RGS6: variants seen among roughly 807,000 people sequenced by gnomAD.
RGS6 encodes the protein regulator of G-protein signaling 6.
A neutral mutation model predicts 78.5 loss-of-function variants in RGS6; 30 were observed. The ratio of observed to expected loss-of-function variants is 0.38; its 90% CI spans 0.29 to 0.52. RGS6 has a LOEUF of 0.52. Ranked by LOEUF, RGS6 falls within the 20% of genes least tolerant of loss-of-function variation. The probability of loss-of-function intolerance (pLI) is 0.85; values close to 1 mark genes in which losing one functional copy is unlikely to be tolerated. For missense variants in RGS6, 495 were observed against 609.7 expected, an observed-to-expected ratio of 0.81 and a Z score of 1.98; for synonymous variants, 206 against 206.0, an observed-to-expected ratio of 1.00 and a Z score of 0.00.
chr14:72,326,589 CTG>C (rs2073824891), intron 2 of RGS6, among the ~76,000 whole-genome samples: 1 of 152,180 alleles, frequency 6.6e-6, no homozygotes, highest in Non-Finnish European at 1.5e-5. Flanking sequence ...TCTGCGGTGA[CTG>C]TAAGCTTCCT....
chr14:72,345,000 G>A (rs2077740991), intron 2 of RGS6, among the ~76,000 whole-genome samples: 1 of 152,146 alleles, frequency 6.6e-6, no homozygotes. Context: ...GTGGTATAGA[G>A]GCTGGAAAAG....
chr14:72,364,837 G>A (rs2082166978), intron 3 of RGS6, among the ~76,000 whole-genome samples: 1 of 152,200 alleles, frequency 6.6e-6, no homozygotes, highest in South Asian at 2.1e-4. Flanking sequence ...AGATGATATT[G>A]ATGAGGAATG....
At chr14:72,200,985 A>AAAG (rs905671616) in intron 2 of RGS6, among the ~76,000 whole-genome samples, 4 of 149,230 alleles carry the variant, frequency 2.7e-5, no homozygotes, top group Non-Finnish European at 4.4e-5. Flanking sequence ...AAAAAAAAAA[A>AAAG]AAGAAGAAGA....
intron 12 of RGS6, among the ~76,000 whole-genome samples, chr14:72,494,151 T>G (rs12587929): frequency 0.37 from 56,206 of 152,076 alleles, 10,698 homozygotes; most frequent in East Asian, 0.67. Flanking sequence ...GTTTAAGGTA[T>G]AAAAAAATGA....
chr14:72,609,952 G>A, the RGS6 span, among the ~76,000 whole-genome samples: 9 of 152,192 alleles, frequency 5.9e-5, no homozygotes, highest in Non-Finnish European at 1.2e-4. Context: ...AGGATCAGTG[G>A]GGAGGGTGTT....
At chr14:72,030,286 A>T (rs1567054769) in intron 2 of RGS6, among the ~76,000 whole-genome samples, 1 of 152,246 alleles carries the variant, frequency 6.6e-6, no homozygotes, top group African/African-American at 2.4e-5. Context: ...TTCAGCAATT[A>T]CATTACATAT....
At chr14:72,171,227 G>A (rs1017071024) in intron 2 of RGS6, among the ~76,000 whole-genome samples, 9 of 152,046 alleles carry the variant, frequency 5.9e-5, no homozygotes, top group African/African-American at 1.7e-4. Context: ...CATATGCACA[G>A]ACACACACAA....
chr14:71,941,328 C>G (rs1453206523), intron 1 of RGS6, among the ~76,000 whole-genome samples: 2 of 152,122 alleles, frequency 1.3e-5, no homozygotes, highest in South Asian at 2.1e-4. Flanking sequence ...GAAGTAGAGT[C>G]CTTAGCATTT....
chr14:71,915,256 C>CA, the RGS6 span, among the ~76,000 whole-genome samples: 376 of 125,226 alleles, frequency 3.0e-3, 1 homozygote, highest in Admixed American at 4.4e-3. Flanking sequence ...GACTCCTTGT[C>CA]AAAAAAAAAA....
intron 2 of RGS6, among the ~76,000 whole-genome samples, chr14:72,002,605 CA>C (rs66969536): frequency 4.0e-5 from 6 of 149,908 alleles, no homozygotes; most frequent in East Asian, 2.0e-4. Flanking sequence ...GCCAACTTTT[CA>C]AAAAAAAAAT....
At chr14:71,964,244 C>T (rs145508991) in intron 1 of RGS6, among the ~76,000 whole-genome samples, 80 of 152,256 alleles carry the variant, frequency 5.3e-4, no homozygotes, top group South Asian at 1.0e-3. Context: ...CGGTGGCGCA[C>T]GCCTGTAATG....
intron 17 of RGS6, among the ~76,000 whole-genome samples, chr14:72,560,717 G>A (rs2097660984): frequency 6.6e-6 from 1 of 151,814 alleles, no homozygotes; most frequent in Non-Finnish European, 1.5e-5. Context: ...CCTTAGCCAA[G>A]TATAAATGTA....
intron 3 of RGS6, among the ~76,000 whole-genome samples, chr14:72,443,817 C>T (rs1454865556): frequency 6.6e-6 from 1 of 152,188 alleles, no homozygotes; most frequent in African/African-American, 2.4e-5. Context: ...TCTCCCAAAG[C>T]TGCAGCTCTG....
intron 4 of RGS6, among the ~76,000 whole-genome samples, chr14:72,457,232 A>T (rs1389718458): frequency 1.3e-5 from 2 of 152,208 alleles, no homozygotes; most frequent in Non-Finnish European, 2.9e-5. Context: ...ATTGCATTGT[A>T]TTCAACTTCT....
chr14:71,983,912 A>G (rs2094570172), intron 2 of RGS6, among the ~76,000 whole-genome samples: 1 of 152,240 alleles, frequency 6.6e-6, no homozygotes. Context: ...TGCAAAGATC[A>G]AATGAACAAG....
At chr14:72,035,400 A>G (rs1467121261) in intron 2 of RGS6, among the ~76,000 whole-genome samples, 2 of 151,616 alleles carry the variant, frequency 1.3e-5, no homozygotes, top group East Asian at 3.9e-4. Flanking sequence ...GGATTTATCA[A>G]TTCTATTGGT....
At chr14:71,968,155 C>T (rs1595388915) in intron 2 of RGS6, among the ~76,000 whole-genome samples, 1 of 152,126 alleles carries the variant, frequency 6.6e-6, no homozygotes, top group Non-Finnish European at 1.5e-5. Context: ...CCTTAGGATC[C>T]TGAGTTACTG....
the RGS6 span, among the ~76,000 whole-genome samples, chr14:71,903,534 G>A: frequency 6.6e-6 from 1 of 152,228 alleles, no homozygotes; most frequent in Non-Finnish European, 1.5e-5. Flanking sequence ...ACTTGAATGA[G>A]GGTGGTTCTT....
intron 13 of RGS6, among the ~76,000 whole-genome samples, chr14:72,505,381 A>G (rs2096786077): frequency 6.6e-6 from 1 of 152,204 alleles, no homozygotes; most frequent in Non-Finnish European, 1.5e-5. Context: ...GTGTCTTCAC[A>G]TGACAGAAGG....
Sources: gnomAD v4.1 joint callset for allele counts (sites outside exome capture counted in the v4.1 genomes callset) on GRCh38, gnomAD v4.1.1 for gene constraint, MANE v1.5 for transcripts, NCBI Gene and HGNC (gene_info 2026-07-23, HGNC 2026-07-21) for gene names.